CTNND2: variants seen among roughly 807,000 people sequenced by gnomAD.
CTNND2 encodes the protein catenin delta 2.
CTNND2 carries 22 observed loss-of-function variants against 144.4 expected under a neutral mutation model. The observed-to-expected ratio is 0.15, with a 90% CI of 0.11 to 0.22. CTNND2 has a LOEUF of 0.22. CTNND2 is among the 10% of genes least tolerant of loss of function. The pLI, the probability that CTNND2 is intolerant of heterozygous loss-of-function variation, is 1.00. For missense variants in CTNND2, 1,353 were observed against 1,618.8 expected (o/e 0.84, Z 2.82); for synonymous variants, 751 against 695.6 (o/e 1.08, Z -1.25).
At chr5:11,375,830 G>C (rs1757873209) in intron 7 of CTNND2, among the ~76,000 whole-genome samples, 1 of 152,126 alleles carries the variant, frequency 6.6e-6, no homozygotes, top group Admixed American at 6.6e-5. Context: ...TCTGAAAAAA[G>C]CTACCAAGTT....
chr5:11,598,905 G>T (rs6872609), intron 2 of CTNND2, among the ~76,000 whole-genome samples: 10,601 of 152,150 alleles, frequency 0.07, 776 homozygotes, highest in African/African-American at 0.19. Context: ...GATGATTAAT[G>T]GACTCACAGA....
At chr5:11,512,019 C>A (rs1413156722) in intron 3 of CTNND2, among the ~76,000 whole-genome samples, 3 of 152,156 alleles carry the variant, frequency 2.0e-5, no homozygotes, top group Admixed American at 2.0e-4. Flanking sequence ...GACAAAGACT[C>A]CTTTATTCAT....
chr5:11,013,782 T>C (rs1414869657), intron 18 of CTNND2, among the ~76,000 whole-genome samples: 2 of 152,010 alleles, frequency 1.3e-5, no homozygotes, highest in Non-Finnish European at 2.9e-5. Flanking sequence ...TTTGCAGGGG[T>C]TATGCAGCCC....
intron 3 of CTNND2, among the ~76,000 whole-genome samples, chr5:11,486,866 T>C (rs1768880682): frequency 1.3e-5 from 2 of 152,230 alleles, no homozygotes; most frequent in Admixed American, 1.3e-4. Flanking sequence ...AGTAGTTATG[T>C]TTTATCCTAC....
At chr5:11,591,875 T>A (rs1218762306) in intron 2 of CTNND2, among the ~76,000 whole-genome samples, 2 of 152,146 alleles carry the variant, frequency 1.3e-5, no homozygotes, top group East Asian at 1.9e-4. Context: ...GGCAACCTTT[T>A]CTTGGCCTGA....
intron 3 of CTNND2, among the ~76,000 whole-genome samples, chr5:11,470,900 A>G (rs1046201636): frequency 5.4e-5 from 8 of 148,076 alleles, no homozygotes; most frequent in African/African-American, 2.0e-4. Flanking sequence ...CTGGGTTTCA[A>G]CCAAGATGTC....
intron 2 of CTNND2, among the ~76,000 whole-genome samples, chr5:11,708,493 A>C (rs1785844290): frequency 6.6e-6 from 1 of 152,200 alleles, no homozygotes; most frequent in African/African-American, 2.4e-5. Context: ...TAACACTAGT[A>C]ATAAGTCTTT....
intron 9 of CTNND2, among the ~76,000 whole-genome samples, chr5:11,257,254 T>C (rs1250090185): frequency 6.6e-6 from 1 of 152,112 alleles, no homozygotes; most frequent in Non-Finnish European, 1.5e-5. Flanking sequence ...CAATTACCTC[T>C]TGTTTCCTTG....
chr5:11,159,848 G>T, intron 11 of CTNND2, 89 bp from the exon 12 acceptor site: 1 of 1,058,558 alleles, frequency 9.4e-7, no homozygotes, highest in Non-Finnish European at 1.4e-6. Context: ...TAACGGAACT[G>T]GCAGGAAGGA....
At chr5:11,189,772 T>C (rs975190639) in intron 11 of CTNND2, among the ~76,000 whole-genome samples, 1 of 152,114 alleles carries the variant, frequency 6.6e-6, no homozygotes, top group African/African-American at 2.4e-5. Context: ...TTAACTATAG[T>C]AGGCACTCAG....
At chr5:11,833,472 A>AGGTGGT (rs1794015922) in intron 1 of CTNND2, among the ~76,000 whole-genome samples, 1 of 152,134 alleles carries the variant, frequency 6.6e-6, no homozygotes, top group Admixed American at 6.5e-5. Flanking sequence ...GGGAGGGTAC[A>AGGTGGT]GGTGGTGACT....
chr5:11,487,723 G>A (rs1339741486), intron 3 of CTNND2, among the ~76,000 whole-genome samples: 4 of 152,062 alleles, frequency 2.6e-5, no homozygotes, highest in African/African-American at 9.7e-5. Flanking sequence ...TGCTTTTGAG[G>A]TTATTTTTAT....
intron 3 of CTNND2, among the ~76,000 whole-genome samples, chr5:11,473,471 T>C (rs1767427985): frequency 6.6e-6 from 1 of 152,110 alleles, no homozygotes; most frequent in African/African-American, 2.4e-5. Context: ...GAGAAGAGAA[T>C]ATTTAAATTT....
chr5:11,406,317 C>A (rs1472028926), intron 5 of CTNND2, among the ~76,000 whole-genome samples: 3 of 152,154 alleles, frequency 2.0e-5, no homozygotes, highest in Non-Finnish European at 4.4e-5. Context: ...GGTTTTCTAT[C>A]CTGTTGGGTC....
chr5:11,053,335 T>C (rs888132261), intron 16 of CTNND2, among the ~76,000 whole-genome samples: 1 of 152,158 alleles, frequency 6.6e-6, no homozygotes, highest in Non-Finnish European at 1.5e-5. Flanking sequence ...TAGGAAGAGG[T>C]TGAGCTCTTT....
At chr5:11,670,478 G>T (rs1783823524) in intron 2 of CTNND2, among the ~76,000 whole-genome samples, 1 of 152,154 alleles carries the variant, frequency 6.6e-6, no homozygotes, top group Non-Finnish European at 1.5e-5. Context: ...TCTTCTTGTT[G>T]CATTGATCCC....
intron 9 of CTNND2, among the ~76,000 whole-genome samples, chr5:11,261,535 G>A (rs1744857999): frequency 6.6e-6 from 1 of 152,162 alleles, no homozygotes; most frequent in Non-Finnish European, 1.5e-5. Flanking sequence ...ATTTTTATTT[G>A]GCCTCCATCT....
chr5:11,619,496 C>G (rs1357272739), intron 2 of CTNND2, among the ~76,000 whole-genome samples: 1 of 152,114 alleles, frequency 6.6e-6, no homozygotes, highest in Non-Finnish European at 1.5e-5. Flanking sequence ...TCTGAGAGTA[C>G]AGTTGATATG....
intron 1 of CTNND2, among the ~76,000 whole-genome samples, chr5:11,767,559 C>T (rs551298349): frequency 2.0e-5 from 3 of 152,302 alleles, no homozygotes; most frequent in African/African-American, 7.2e-5. Flanking sequence ...TAGATGAACG[C>T]CCATTTTTTA....
Sources: gnomAD v4.1 joint callset for allele counts (sites outside exome capture counted in the v4.1 genomes callset) on GRCh38, gnomAD v4.1.1 for gene constraint, MANE v1.5 for transcripts, NCBI Gene and HGNC (gene_info 2026-07-23, HGNC 2026-07-21) for gene names.